The following RTL9 variants were observed in gnomAD, a reference collection of about 807,000 sequenced individuals.
RTL9 encodes retrotransposon Gag-like protein 9.
Under a neutral mutation model 44.7 loss-of-function variants are expected in RTL9, and 19 were observed. That is an observed-to-expected ratio of 0.42 (90% CI 0.30 to 0.62). RTL9 has a LOEUF of 0.62. Among genes scored for constraint, RTL9 ranks in the 20% least tolerant of loss-of-function variants. The pLI is 0.16. For missense variants in RTL9, 1,105 were observed against 1,080.6 expected (o/e 1.02, Z -0.32); for synonymous variants, 407 against 398.9 (o/e 1.02, Z -0.24).
intron 1 of RTL9, among the ~76,000 whole-genome samples, chrX:110,366,232 T>G (rs1473776811): frequency 8.9e-6 from 1 of 112,088 alleles, no homozygotes. Context: ...TGAGGATTGA[T>G]GTTGATAGTA....
At chrX:110,374,020 A>T (rs1258161514) in intron 1 of RTL9, among the ~76,000 whole-genome samples, 1 of 112,302 alleles carries the variant, frequency 8.9e-6, no homozygotes, top group Non-Finnish European at 1.9e-5. Flanking sequence ...AATAGAAGAC[A>T]CACATGATAT....
chrX:110,421,611 G>A (rs1304631546), intron 1 of RTL9, among the ~76,000 whole-genome samples: 1 of 112,765 alleles, frequency 8.9e-6, no homozygotes, highest in Non-Finnish European at 1.9e-5. Flanking sequence ...TCCACACAAG[G>A]CAATGAGTAA....
intron 1 of RTL9, among the ~76,000 whole-genome samples, chrX:110,437,153 T>C (rs1297840678): frequency 1.8e-5 from 2 of 111,700 alleles, no homozygotes; most frequent in African/African-American, 6.5e-5. Context: ...GAATGCTCTC[T>C]AGTGGGACTG....
At chrX:110,451,141 G>A in exon 1 of RTL9, 1 of 1,212,099 alleles carries the variant, frequency 8.3e-7, no homozygotes. Context: ...CCATCCTCTG[G>A]AGTGGTGTGT....
intron 1 of RTL9, among the ~76,000 whole-genome samples, chrX:110,401,553 G>A (rs769135048): frequency 5.6e-4 from 62 of 111,697 alleles, no homozygotes; most frequent in Non-Finnish European, 9.8e-4. Context: ...TAGCTCCCAC[G>A]GGAGGCATGT....
chrX:110,432,515 G>A (rs2068804966), intron 1 of RTL9, among the ~76,000 whole-genome samples: 2 of 111,883 alleles, frequency 1.8e-5, no homozygotes, highest in African/African-American at 3.2e-5. Flanking sequence ...CAGCGTTGGG[G>A]GCCGTCAGGA....
At chrX:110,426,578 CG>C (rs1354969800) in intron 1 of RTL9, 9 of 112,155 alleles carry the variant, frequency 8.0e-5, no homozygotes, top group African/African-American at 2.6e-4. Flanking sequence ...TGAGACATGG[CG>C]TCTGAATATT....
exon 1 of RTL9, chrX:110,452,798 T>C (rs1157210474): frequency 8.3e-7 from 1 of 1,211,389 alleles, no homozygotes. Flanking sequence ...GCACCCAAGA[T>C]CCTGGAGGGA....
At chrX:110,426,634 G>T (rs996400107) in intron 1 of RTL9, 28 of 112,272 alleles carry the variant, frequency 2.5e-4, no homozygotes, top group African/African-American at 8.4e-4. Flanking sequence ...TTGTTAAAAT[G>T]ATGAAAGAAT....
intron 1 of RTL9, among the ~76,000 whole-genome samples, chrX:110,396,479 G>A (rs1440220696): frequency 8.9e-6 from 1 of 111,770 alleles, no homozygotes; most frequent in African/African-American, 3.3e-5. Context: ...TTCAAACCAT[G>A]CTCTTGAGCA....
chrX:110,391,783 G>A (rs2068495271), intron 1 of RTL9, among the ~76,000 whole-genome samples: 1 of 112,348 alleles, frequency 8.9e-6, no homozygotes, highest in African/African-American at 3.2e-5. Context: ...ATGTTGGCAA[G>A]TAGTACTTGG....
intron 1 of RTL9, among the ~76,000 whole-genome samples, chrX:110,406,101 G>T (rs1237961292): frequency 9.1e-6 from 1 of 109,903 alleles, no homozygotes; most frequent in East Asian, 2.8e-4. Context: ...TTCAAGGAAG[G>T]TTCTGGAAAG....
At chrX:110,383,006 G>T (rs1477202782) in intron 1 of RTL9, among the ~76,000 whole-genome samples, 3 of 111,869 alleles carry the variant, frequency 2.7e-5, no homozygotes, top group African/African-American at 6.5e-5. Context: ...GGAATCAAAG[G>T]GTTCCCCTAG....
At chrX:110,368,602 TC>T (rs2068314769) in intron 1 of RTL9, among the ~76,000 whole-genome samples, 1 of 112,095 alleles carries the variant, frequency 8.9e-6, no homozygotes, top group East Asian at 2.8e-4. Context: ...AAATTGCCAC[TC>T]TCTGCATGCT....
At chrX:110,405,768 C>T (rs997935467) in intron 1 of RTL9, among the ~76,000 whole-genome samples, 8 of 111,662 alleles carry the variant, frequency 7.2e-5, no homozygotes, top group Admixed American at 3.8e-4. Flanking sequence ...GTTAGACAAC[C>T]TGGGCAAGGT....
chrX:110,455,877 A>G (rs770057186), exon 2 of RTL9: 3 of 112,757 alleles, frequency 2.7e-5, no homozygotes, highest in Non-Finnish European at 5.6e-5. Context: ...CCATAATAAT[A>G]GTGATAGTAT....
intron 1 of RTL9, among the ~76,000 whole-genome samples, chrX:110,394,601 A>G (rs1048908843): frequency 8.9e-6 from 1 of 112,824 alleles, no homozygotes; most frequent in African/African-American, 3.2e-5. Context: ...CTTAAAGTCC[A>G]GTTCCCAAGA....
intron 1 of RTL9, among the ~76,000 whole-genome samples, chrX:110,403,794 C>G (rs2148299190): frequency 8.9e-6 from 1 of 112,363 alleles, no homozygotes; most frequent in South Asian, 3.7e-4. Context: ...TGTTTTTGCT[C>G]CAGAAATATC....
chrX:110,408,592 T>A (rs1347494307), intron 1 of RTL9, among the ~76,000 whole-genome samples: 1 of 112,472 alleles, frequency 8.9e-6, no homozygotes, highest in African/African-American at 3.2e-5. Flanking sequence ...TTTAATCAAC[T>A]ATTCTGTAAA....
Sources: allele counts gnomAD v4.1 joint callset (sites outside exome capture counted in the v4.1 genomes callset), GRCh38; gene constraint gnomAD v4.1.1; transcripts MANE v1.5; gene names NCBI Gene and HGNC (gene_info 2026-07-23, HGNC 2026-07-21).